The following SLC24A3 variants were observed in gnomAD, a reference collection of about 807,000 sequenced individuals.
SLC24A3 encodes sodium/potassium/calcium exchanger 3.
Under a neutral mutation model 75.8 loss-of-function variants are expected in SLC24A3, and 28 were observed. That is an observed-to-expected ratio of 0.37 (90% CI 0.27 to 0.51). SLC24A3 has a LOEUF of 0.51. Among genes scored for constraint, SLC24A3 ranks in the 20% least tolerant of loss-of-function variants. The pLI is 0.94. For missense variants in SLC24A3, 663 were observed against 847.8 expected (o/e 0.78, Z 2.71); for synonymous variants, 372 against 334.1 (o/e 1.11, Z -1.24).
intron 6 of SLC24A3, among the ~76,000 whole-genome samples, chr20:19,613,150 C>T (rs956998041): frequency 2.6e-5 from 4 of 152,232 alleles, no homozygotes; most frequent in Admixed American, 6.5e-5. Flanking sequence ...TTCCCCTTCT[C>T]TGTCTTTTAA....
chr20:19,698,032 G>T (rs1345856791), intron 14 of SLC24A3, among the ~76,000 whole-genome samples: 2 of 152,188 alleles, frequency 1.3e-5, no homozygotes, highest in African/African-American at 4.8e-5. Flanking sequence ...TTCTGGGGAG[G>T]CCTCAGGAAA....
chr20:19,714,622 C>T (rs2033025443), intron 15 of SLC24A3, among the ~76,000 whole-genome samples: 1 of 152,002 alleles, frequency 6.6e-6, no homozygotes, highest in Non-Finnish European at 1.5e-5. Context: ...ACAATGAAAA[C>T]ACAAAAATAC....
At chr20:19,507,940 AAG>A (rs1359706069) in intron 2 of SLC24A3, among the ~76,000 whole-genome samples, 3 of 152,276 alleles carry the variant, frequency 2.0e-5, no homozygotes, top group South Asian at 4.2e-4. Context: ...GCTGATGACA[AAG>A]AGAGAAATGA....
chr20:19,587,305 G>GC (rs2031311687), intron 6 of SLC24A3, among the ~76,000 whole-genome samples: 1 of 152,214 alleles, frequency 6.6e-6, no homozygotes, highest in African/African-American at 2.4e-5. Context: ...TGGCTTGGAT[G>GC]CATGTGTGGC....
At chr20:19,264,293 A>G (rs1983092271) in intron 1 of SLC24A3, 1 of 152,220 alleles carries the variant, frequency 6.6e-6, no homozygotes, top group Admixed American at 6.5e-5. Context: ...GTCCCTCAAG[A>G]CAGACCCTCG....
intron 2 of SLC24A3, among the ~76,000 whole-genome samples, chr20:19,443,596 T>TA (rs1156490108): frequency 6.6e-6 from 1 of 152,206 alleles, no homozygotes; most frequent in Non-Finnish European, 1.5e-5. Flanking sequence ...ATTTTCTACA[T>TA]AGACAATTCT....
chr20:19,631,530 T>G (rs561971853), intron 6 of SLC24A3, among the ~76,000 whole-genome samples: 1 of 152,210 alleles, frequency 6.6e-6, no homozygotes, highest in Non-Finnish European at 1.5e-5. Context: ...ATATTATAAG[T>G]TAAAAATGCA....
intron 2 of SLC24A3, among the ~76,000 whole-genome samples, chr20:19,402,499 T>C (rs948541947): frequency 6.6e-5 from 10 of 152,204 alleles, no homozygotes; most frequent in African/African-American, 1.9e-4. Flanking sequence ...AATGAGGCCA[T>C]GTCCTCAACA....
intron 2 of SLC24A3, among the ~76,000 whole-genome samples, chr20:19,314,375 G>A (rs868786991): frequency 6.7e-6 from 1 of 150,088 alleles, no homozygotes; most frequent in Non-Finnish European, 1.5e-5. Flanking sequence ...GTGCAGTGGC[G>A]CAATCTCGGC....
intron 2 of SLC24A3, among the ~76,000 whole-genome samples, chr20:19,337,062 T>C (rs371389929): frequency 1.4e-4 from 22 of 152,310 alleles, no homozygotes; most frequent in African/African-American, 5.3e-4. Flanking sequence ...ATCCCAATTC[T>C]TGTGTGTGGC....
At chr20:19,572,810 C>G (rs2031074092) in intron 3 of SLC24A3, among the ~76,000 whole-genome samples, 1 of 152,112 alleles carries the variant, frequency 6.6e-6, no homozygotes, top group South Asian at 2.1e-4. Flanking sequence ...TAGCAGCACC[C>G]TACAGCAGAC....
chr20:19,716,873 CA>C (rs909056585), intron 15 of SLC24A3, among the ~76,000 whole-genome samples: 14 of 150,384 alleles, frequency 9.3e-5, no homozygotes, highest in Admixed American at 5.3e-4. Context: ...AACCCTGTCT[CA>C]AAAAAAAAGA....
At chr20:19,262,297 C>T (rs954139980) in intron 1 of SLC24A3, among the ~76,000 whole-genome samples, 23 of 147,940 alleles carry the variant, frequency 1.6e-4, no homozygotes, top group Middle Eastern at 3.7e-3. Flanking sequence ...CCCAGCTACG[C>T]GGGAGGCTGA....
chr20:19,323,155 G>A (rs553155154), intron 2 of SLC24A3, among the ~76,000 whole-genome samples: 3 of 141,138 alleles, frequency 2.1e-5, no homozygotes, highest in South Asian at 4.4e-4. Context: ...GCAGTGAGCC[G>A]AGATCGCGCC....
At chr20:19,571,145 G>A (rs1287576562) in intron 3 of SLC24A3, among the ~76,000 whole-genome samples, 1 of 152,098 alleles carries the variant, frequency 6.6e-6, no homozygotes, top group Non-Finnish European at 1.5e-5. Flanking sequence ...CTGAGCTGCT[G>A]GACTTCTCTG....
At chr20:19,702,080 T>C (rs2032881460) in intron 15 of SLC24A3, among the ~76,000 whole-genome samples, 1 of 152,178 alleles carries the variant, frequency 6.6e-6, no homozygotes, top group African/African-American at 2.4e-5. Flanking sequence ...CTTACTAACT[T>C]TGAAATCTTC....
At chr20:19,526,386 T>C (rs1350716756) in intron 3 of SLC24A3, among the ~76,000 whole-genome samples, 1 of 152,204 alleles carries the variant, frequency 6.6e-6, no homozygotes, top group African/African-American at 2.4e-5. Flanking sequence ...CTCATGAAGA[T>C]GAAGAAGATA....
chr20:19,715,627 G>A (rs1056095034), intron 15 of SLC24A3, among the ~76,000 whole-genome samples: 17 of 152,088 alleles, frequency 1.1e-4, no homozygotes, highest in African/African-American at 3.9e-4. Context: ...AGGGCGTATG[G>A]TGTCCCTATT....
intron 3 of SLC24A3, among the ~76,000 whole-genome samples, chr20:19,556,046 T>G (rs550190849): frequency 5.3e-5 from 8 of 152,288 alleles, no homozygotes; most frequent in African/African-American, 1.9e-4. Flanking sequence ...ACCTTTTTGC[T>G]GTGTCCTCAC....
Sources: allele counts gnomAD v4.1 joint callset (sites outside exome capture counted in the v4.1 genomes callset), GRCh38; gene constraint gnomAD v4.1.1; transcripts MANE v1.5; gene names NCBI Gene and HGNC (gene_info 2026-07-23, HGNC 2026-07-21).